LRRTM3: variants seen among roughly 807,000 people sequenced by gnomAD.
The protein encoded by LRRTM3 is leucine-rich repeat transmembrane neuronal protein 3.
A neutral mutation model predicts 44.7 loss-of-function variants in LRRTM3; 24 were observed. The ratio of observed to expected loss-of-function variants is 0.54; its 90% CI spans 0.39 to 0.76. LRRTM3 has a LOEUF of 0.76. Among genes scored for constraint, LRRTM3 ranks in the 30% least tolerant of loss-of-function variants. LRRTM3 has a pLI of 0.00. For missense variants in LRRTM3, 587 were observed against 702.2 expected (o/e 0.84, Z 1.85); for synonymous variants, 277 against 278.7 (o/e 0.99, Z 0.06).
intron 2 of LRRTM3, among the ~76,000 whole-genome samples, chr10:67,025,755 A>G (rs1269527958): frequency 6.6e-6 from 1 of 152,120 alleles, no homozygotes; most frequent in African/African-American, 2.4e-5. Context: ...CCATTAACAT[A>G]TGTTCTTAAT....
chr10:67,035,326 T>C (rs1428664147), intron 2 of LRRTM3, among the ~76,000 whole-genome samples: 1 of 152,224 alleles, frequency 6.6e-6, no homozygotes, highest in East Asian at 1.9e-4. Context: ...TTTACTGTTG[T>C]CAAAATATAA....
chr10:66,985,405 C>T (rs1175278082), intron 2 of LRRTM3, among the ~76,000 whole-genome samples: 13 of 152,080 alleles, frequency 8.5e-5, no homozygotes, highest in Non-Finnish European at 2.9e-5. Flanking sequence ...GGGAAGGGTG[C>T]CCAACAGGAA....
At chr10:67,096,338 T>C (rs532069378) in intron 2 of LRRTM3, among the ~76,000 whole-genome samples, 1 of 151,832 alleles carries the variant, frequency 6.6e-6, no homozygotes, top group South Asian at 2.1e-4. Context: ...TTCTAATGCA[T>C]GGAGAGAAGG....
At chr10:66,978,960 C>CTTTTT (rs34112681) in intron 2 of LRRTM3, among the ~76,000 whole-genome samples, 18 of 83,788 alleles carry the variant, frequency 2.1e-4, no homozygotes, top group African/African-American at 3.6e-4. Flanking sequence ...TACTTATTTC[C>CTTTTT]TTTTTTTTTT....
intron 2 of LRRTM3, among the ~76,000 whole-genome samples, chr10:67,005,050 A>T (rs1255889716): frequency 6.6e-6 from 1 of 152,226 alleles, no homozygotes; most frequent in African/African-American, 2.4e-5. Context: ...GAAATAGTAC[A>T]CAATGTGGGA....
intron 2 of LRRTM3, among the ~76,000 whole-genome samples, chr10:67,028,192 T>A (rs1217268473): frequency 6.6e-6 from 1 of 152,140 alleles, no homozygotes. Flanking sequence ...TTCACTGGAG[T>A]TTCCCATCCA....
chr10:66,964,192 T>G lies in LRRTM3; in HGVS notation c.1536+35740T>G, dbSNP rs75267972. ...CACAGTAACATCGTAGGAAAAACTTTGTCACACTGCTTTGGGATTCAGCAC... is the reference window on the plus strand; with the variant it reads ...CACAGTAACATCGTAGGAAAAACTTGGTCACACTGCTTTGGGATTCAGCAC... On this transcript the variant is annotated intron_variant, in intron 2 of 2. Transcript: ENST00000361320. Among the ~76,000 whole-genome samples, 630 of 152,184 alleles carry G rather than the reference T, an allele frequency of 4.1e-3. 34 individuals carry two copies. The East Asian group carries it at 0.1, about 25-fold the overall frequency.
chr10:67,068,531 C>T (rs943410449), intron 2 of LRRTM3, among the ~76,000 whole-genome samples: 4 of 152,068 alleles, frequency 2.6e-5, no homozygotes, highest in Admixed American at 2.6e-4. Flanking sequence ...GTTAAAATCA[C>T]ACAAAGAATT....
rs530275111 is a variant in LRRTM3 at position 67,074,889 on chromosome 10, C to A, written c.1537-22698C>A. ...AAGCACACATTTGAGAATCAAGCTACCTATTAAAATGGTCTATATTTAACA... is the reference window on the plus strand; with the variant it reads ...AAGCACACATTTGAGAATCAAGCTAACTATTAAAATGGTCTATATTTAACA... On this transcript the variant is annotated intron_variant, in intron 2 of 2. Transcript: ENST00000361320. Among the ~76,000 whole-genome samples, 318 of 152,144 alleles carry A rather than the reference C, an allele frequency of 2.1e-3. 12 individuals are homozygous for A. In the South Asian group the frequency reaches 0.065, roughly 31 times the overall value.
In LRRTM3 at chr10:67,026,115, A is replaced by G. The variant is rs371117738; in HGVS notation, c.1537-71472A>G. Among the ~76,000 whole-genome samples, 39 of 129,066 alleles carry G rather than the reference A, an allele frequency of 3.0e-4. No homozygotes were observed. The East Asian group carries it at 7.9e-3, about 26-fold the overall frequency. 84.7% of individuals were successfully genotyped at this position (129,066 alleles called of 152,430 possible). A position where few individuals can be genotyped will look rare whatever the true frequency, so the allele number is the denominator to read the frequency against. Reference sequence around the variant, plus strand: ...ACACTCTGGGGACTGTTGTGGGGTGAGGGGAGGGGGGAGGGATAGCATTAG... The same window carrying G: ...ACACTCTGGGGACTGTTGTGGGGTGGGGGGAGGGGGGAGGGATAGCATTAG... On this transcript the variant is annotated intron_variant, in intron 2 of 2. Coordinates refer to ENST00000361320, the MANE Select transcript of LRRTM3 (RefSeq NM_178011.5).
intron 2 of LRRTM3, among the ~76,000 whole-genome samples, chr10:66,944,824 T>C (rs1336305803): frequency 6.6e-6 from 1 of 152,202 alleles, no homozygotes; most frequent in Non-Finnish European, 1.5e-5. Context: ...TCTCCATGTA[T>C]ATGTCCATCA....
intron 2 of LRRTM3, among the ~76,000 whole-genome samples, chr10:66,951,847 G>C (rs979565707): frequency 2.0e-5 from 3 of 152,264 alleles, no homozygotes; most frequent in Admixed American, 6.5e-5. Flanking sequence ...ATCTCACCTG[G>C]CCTGATTAAG....
intron 2 of LRRTM3, among the ~76,000 whole-genome samples, chr10:67,065,618 T>C (rs1371457650): frequency 2.0e-5 from 3 of 152,096 alleles, no homozygotes; most frequent in African/African-American, 7.2e-5. Context: ...TGGTGGGATA[T>C]TTCCAGTCTT....
At chr10:66,986,136 A>T (rs995507851) in intron 2 of LRRTM3, among the ~76,000 whole-genome samples, 1 of 152,180 alleles carries the variant, frequency 6.6e-6, no homozygotes, top group Admixed American at 6.5e-5. Flanking sequence ...TGTCTGGTTA[A>T]TCAGTATGTC....
chr10:67,012,609 A>AGAT (rs538902836), intron 2 of LRRTM3, among the ~76,000 whole-genome samples: 29 of 152,144 alleles, frequency 1.9e-4, no homozygotes, highest in Non-Finnish European at 3.5e-4. Context: ...AACCCTACGA[A>AGAT]GATAAAAATT....
intron 2 of LRRTM3, among the ~76,000 whole-genome samples, chr10:67,049,816 G>A (rs1233243224): frequency 6.6e-6 from 1 of 152,114 alleles, no homozygotes; most frequent in Non-Finnish European, 1.5e-5. Context: ...ATGTAGGTAT[G>A]TGCATGTGTT....
At chr10:66,970,767 G>A (rs1188608939) in intron 2 of LRRTM3, among the ~76,000 whole-genome samples, 1 of 151,972 alleles carries the variant, frequency 6.6e-6, no homozygotes. Context: ...GATAACAAAT[G>A]ATTGCCCAAG....
At chr10:66,981,172 G>C (rs995594720) in intron 2 of LRRTM3, among the ~76,000 whole-genome samples, 1 of 152,164 alleles carries the variant, frequency 6.6e-6, no homozygotes, top group East Asian at 1.9e-4. Context: ...CCAAAGTGCT[G>C]GGATTACAGG....
chr10:66,951,424 T>TATC (rs1848534868), intron 2 of LRRTM3, among the ~76,000 whole-genome samples: 1 of 152,162 alleles, frequency 6.6e-6, no homozygotes, highest in Non-Finnish European at 1.5e-5. Context: ...CCCAACACCA[T>TATC]ATCTTTTAAA....
Sources: gnomAD v4.1 joint callset for allele counts (sites outside exome capture counted in the v4.1 genomes callset) on GRCh38, gnomAD v4.1.1 for gene constraint, MANE v1.5 for transcripts, NCBI Gene and HGNC (gene_info 2026-07-23, HGNC 2026-07-21) for gene names.